MAST4: variants seen among roughly 807,000 people sequenced by gnomAD.
The protein encoded by MAST4 is microtubule-associated serine/threonine-protein kinase 4.
In MAST4, 89 loss-of-function variants were observed where a neutral mutation model predicts 162.7. That is an observed-to-expected ratio of 0.55 (90% CI 0.46 to 0.65). MAST4 has a LOEUF of 0.65. MAST4 is among the 30% of genes least tolerant of loss of function. MAST4 has a pLI of 0.00. For missense variants in MAST4, 3,153 were observed against 3,374.0 expected, an observed-to-expected ratio of 0.93 and a Z score of 1.62; for synonymous variants, 1,479 against 1,361.1, an observed-to-expected ratio of 1.09 and a Z score of -1.91.
chr5:66,924,799 T>C (rs1422088787), intron 4 of MAST4, among the ~76,000 whole-genome samples: 6 of 152,298 alleles, frequency 3.9e-5, no homozygotes, highest in Admixed American at 2.0e-4. Context: ...ACCCCATATT[T>C]TATCACTTAG....
chr5:66,755,197 T>TTACTAG (rs1753457749), intron 1 of MAST4, among the ~76,000 whole-genome samples: 1 of 152,116 alleles, frequency 6.6e-6, no homozygotes, highest in Non-Finnish European at 1.5e-5. Flanking sequence ...TTGGGTGTAT[T>TTACTAG]TTGGAAGTTG....
At chr5:67,071,617 G>T (rs928709982) in intron 5 of MAST4, among the ~76,000 whole-genome samples, 1 of 152,094 alleles carries the variant, frequency 6.6e-6, no homozygotes, top group African/African-American at 2.4e-5. Context: ...AAAATTAGCC[G>T]GGCATAGTGG....
rs371615311 is a variant in MAST4, at chr5:66,890,033, C to T, written c.643-9918C>T. 7.2e-5 allele frequency among the ~76,000 whole-genome samples: 11 copies of T among 152,134 alleles called. No individual in the cohort carries two copies. In the East Asian group the frequency reaches 1.7e-3, roughly 24 times the overall value. ...ATCTAATATGAGTTTTATATTTTAG[C>T]TTCTTTTTTTTATGAAGGACTGTGC... On this transcript the variant is annotated intron_variant, in intron 3 of 28. Transcript: ENST00000403625.
intron 4 of MAST4, among the ~76,000 whole-genome samples, chr5:67,000,882 T>G (rs1206992390): frequency 6.6e-6 from 1 of 152,182 alleles, no homozygotes; most frequent in Admixed American, 6.5e-5. Context: ...CTTAAATACT[T>G]ATTTCTTCCT....
intron 4 of MAST4, among the ~76,000 whole-genome samples, chr5:66,976,065 T>G (rs1748107666): frequency 6.6e-6 from 1 of 152,232 alleles, no homozygotes; most frequent in African/African-American, 2.4e-5. Flanking sequence ...TGTCTGTCTG[T>G]GCATGGAGAA....
At chr5:66,840,536 A>G (rs1289688435) in intron 3 of MAST4, among the ~76,000 whole-genome samples, 3 of 115,062 alleles carry the variant, frequency 2.6e-5, no homozygotes, top group Non-Finnish European at 5.5e-5. Flanking sequence ...ACTTCCTGTA[A>G]TAGACATGTA....
Position 66,728,143 on chromosome 5 carries a change from T to C in MAST4, c.364-31566T>C, listed in dbSNP as rs1186670014. ...AACATTTAAAATAAATGGCTACTGT[T>C]ATTTTCTTCCTGTAACTAAAATATT... On this transcript the variant is annotated intron_variant, in intron 1 of 28. Transcript: ENST00000403625. Among the ~76,000 whole-genome samples, 4 of 152,322 alleles carry C rather than the reference T, an allele frequency of 2.6e-5. No homozygotes were observed. In the East Asian group the frequency reaches 7.7e-4, roughly 29 times the overall value.
At chr5:66,838,862 T>G (rs1758219058) in intron 3 of MAST4, among the ~76,000 whole-genome samples, 1 of 152,164 alleles carries the variant, frequency 6.6e-6, no homozygotes, top group Non-Finnish European at 1.5e-5. Flanking sequence ...CTGTCTGTGT[T>G]CAGGGATTTG....
At chr5:66,942,979 A>T (rs1361783330) in intron 4 of MAST4, among the ~76,000 whole-genome samples, 1 of 152,078 alleles carries the variant, frequency 6.6e-6, no homozygotes, top group African/African-American at 2.4e-5. Flanking sequence ...TGTCTTCTTC[A>T]TATGGCTGTA....
At chr5:66,676,078 C>G (rs1301210910) in intron 1 of MAST4, among the ~76,000 whole-genome samples, 4 of 152,102 alleles carry the variant, frequency 2.6e-5, no homozygotes, top group African/African-American at 9.7e-5. Flanking sequence ...CTCAAGAATG[C>G]TTTTTTGGGC....
At chr5:66,765,489 A>G (rs1299110518) in intron 2 of MAST4, among the ~76,000 whole-genome samples, 1 of 152,106 alleles carries the variant, frequency 6.6e-6, no homozygotes, top group Admixed American at 6.6e-5. Flanking sequence ...CTTTTATCGT[A>G]TCAATATTTA....
chr5:66,968,504 C>T (rs1747023126), intron 4 of MAST4, among the ~76,000 whole-genome samples: 1 of 152,204 alleles, frequency 6.6e-6, no homozygotes, highest in Non-Finnish European at 1.5e-5. Context: ...GCCATCAACT[C>T]CACAAGGACA....
intron 5 of MAST4, among the ~76,000 whole-genome samples, chr5:67,077,735 C>T (rs1345527146): frequency 6.6e-6 from 1 of 152,176 alleles, no homozygotes; most frequent in Non-Finnish European, 1.5e-5. Flanking sequence ...AGCGGTAAGC[C>T]AGACTGCTAT....
chr5:66,911,141 C>A (rs1471660086), intron 4 of MAST4, among the ~76,000 whole-genome samples: 1 of 152,086 alleles, frequency 6.6e-6, no homozygotes, highest in Non-Finnish European at 1.5e-5. Flanking sequence ...TGAGACAAAC[C>A]CATGGAAATG....
intron 1 of MAST4, among the ~76,000 whole-genome samples, chr5:66,656,030 G>A (rs1746521156): frequency 6.6e-6 from 1 of 152,180 alleles, no homozygotes; most frequent in South Asian, 2.1e-4. Context: ...AGCTGGGAAT[G>A]GCATCTTGAA....
At chr5:66,830,601 A>G (rs563716554) in intron 3 of MAST4, among the ~76,000 whole-genome samples, 3 of 152,270 alleles carry the variant, frequency 2.0e-5, no homozygotes, top group East Asian at 1.9e-4. Flanking sequence ...TAACAACATA[A>G]AAGTGCTTGA....
intron 1 of MAST4, among the ~76,000 whole-genome samples, chr5:66,735,845 T>G (rs1752124021): frequency 6.6e-6 from 1 of 152,230 alleles, no homozygotes; most frequent in Non-Finnish European, 1.5e-5. Flanking sequence ...GAAATGCTTT[T>G]GAAATGGAAT....
chr5:66,687,561 C>CATATATACACATGTATATGTGT (rs1748752984), intron 1 of MAST4, among the ~76,000 whole-genome samples: 1 of 150,658 alleles, frequency 6.6e-6, no homozygotes, highest in African/African-American at 2.5e-5. Context: ...TATACACATG[C>CATATATACACATGTATATGTGT]ATATATACAC....
At chr5:67,107,601 C>T (rs1765739010) in intron 10 of MAST4, among the ~76,000 whole-genome samples, 1 of 152,176 alleles carries the variant, frequency 6.6e-6, no homozygotes, top group Non-Finnish European at 1.5e-5. Context: ...GTGAAACTTG[C>T]CTTGGTTTCC....
Sources: gnomAD v4.1 joint callset for allele counts (sites outside exome capture counted in the v4.1 genomes callset) on GRCh38, gnomAD v4.1.1 for gene constraint, MANE v1.5 for transcripts, NCBI Gene and HGNC (gene_info 2026-07-23, HGNC 2026-07-21) for gene names.